The following SV2C variants were observed in gnomAD, a reference collection of about 807,000 sequenced individuals.
The protein encoded by SV2C is synaptic vesicle glycoprotein 2C.
In SV2C, 49 loss-of-function variants were observed where a neutral mutation model predicts 79.7. That is an observed-to-expected ratio of 0.61 (90% CI 0.49 to 0.78). The LOEUF (loss-of-function observed/expected upper bound fraction) is 0.78, where lower values mean the gene tolerates loss of function less well. SV2C is among the 30% of genes least tolerant of loss of function. SV2C has a pLI of 0.00. For missense variants in SV2C, 833 were observed against 912.9 expected (o/e 0.91, Z 1.13); for synonymous variants, 334 against 333.2 (o/e 1.00, Z -0.03).
chr5:75,938,560 T>C, the SV2C span, among the ~76,000 whole-genome samples: 7 of 152,176 alleles, frequency 4.6e-5, no homozygotes, highest in African/African-American at 1.4e-4. Context: ...ATACATACCA[T>C]ATGATTTCAT....
rs745917908 is a variant in SV2C, at chr5:76,295,945, C to G, written c.1502+3C>G. 9 of 1,562,388 alleles carry G rather than the reference C, an allele frequency of 5.8e-6. No individual in the cohort carries two copies. Among genetic ancestry groups the G allele is most frequent in the Admixed American group, 2.0e-5 (1 of 50,246 alleles). On this transcript the variant is annotated splice_donor_region_variant and intron_variant, in intron 9 of 12. Coordinates refer to ENST00000502798, the MANE Select transcript of SV2C (RefSeq NM_014979.4). ...GGAATGGAATACGACAATGGCAGGT[C>G]TAGAAACTTGAAATAATTTAATTTG... is the stretch of plus-strand genomic sequence containing the variant.
In SV2C at chr5:76,177,842, G is replaced by T. The variant is rs1580332845; in HGVS notation, c.581-17077G>T. ...AGGGTCTAAGATGACTGACATCTGG[G>T]CAGGAATGGCTGAAAGATTGTTTTC... On this transcript the variant is annotated intron_variant, in intron 2 of 12. Transcript: ENST00000502798. Among the ~76,000 whole-genome samples, 4 of 152,188 alleles carry T rather than the reference G, an allele frequency of 2.6e-5. No homozygotes were observed. The East Asian group carries it at 7.7e-4, about 29-fold the overall frequency.
At chr5:75,904,098 A>G in the SV2C span, among the ~76,000 whole-genome samples, 1 of 152,162 alleles carries the variant, frequency 6.6e-6, no homozygotes, top group East Asian at 1.9e-4. Flanking sequence ...TCAAGACCAA[A>G]TATGTGCTCT....
At chr5:75,921,271 G>T in the SV2C span, 538 of 1,478,318 alleles carry the variant, frequency 3.6e-4, 4 homozygotes, top group East Asian at 5.4e-3. Flanking sequence ...GGTCCTCCAG[G>T]TCCTTGCCAT....
At chr5:76,249,315 C>A (rs1490268675) in intron 4 of SV2C, among the ~76,000 whole-genome samples, 1 of 152,056 alleles carries the variant, frequency 6.6e-6, no homozygotes, top group Non-Finnish European at 1.5e-5. Flanking sequence ...TACTCTAGAG[C>A]CCATTGTTTA....
intron 2 of SV2C, among the ~76,000 whole-genome samples, chr5:76,166,378 T>C (rs1743047170): frequency 1.3e-5 from 2 of 152,194 alleles, no homozygotes; most frequent in African/African-American, 4.8e-5. Flanking sequence ...ATCAAACCCC[T>C]ATTTGGTAGC....
intron 4 of SV2C, chr5:76,280,968 G>A (rs991283264): frequency 3.0e-5 from 16 of 537,152 alleles, no homozygotes; most frequent in African/African-American, 1.9e-4. Context: ...GGATCCTGGT[G>A]ATGCGGCCCA....
chr5:75,898,003 A>G, the SV2C span, among the ~76,000 whole-genome samples: 17 of 150,730 alleles, frequency 1.1e-4, no homozygotes, highest in South Asian at 1.1e-3. Context: ...ATACAATCAT[A>G]TCGTCTGCAA....
At chr5:75,888,344 ATT>A in the SV2C span, among the ~76,000 whole-genome samples, 19,768 of 150,196 alleles carry the variant, frequency 0.13, 1,715 homozygotes, top group African/African-American at 0.25. Flanking sequence ...AAAAAAAAAA[ATT>A]TTTTTTTTGA....
At chr5:76,245,523 G>A (rs1170362669) in intron 4 of SV2C, among the ~76,000 whole-genome samples, 1 of 152,122 alleles carries the variant, frequency 6.6e-6, no homozygotes, top group African/African-American at 2.4e-5. Context: ...ATCAACCTAA[G>A]CTCAATACTT....
the SV2C span, among the ~76,000 whole-genome samples, chr5:75,945,507 C>T: frequency 1.3e-5 from 2 of 151,594 alleles, no homozygotes; most frequent in Non-Finnish European, 2.9e-5. Flanking sequence ...TTGGTAGAGA[C>T]AGGGTTTCAC....
rs2112496861 is a variant in SV2C, at chr5:76,285,868, A to G, written c.1135A>G (p.Thr379Ala). ...RARGQPEKVF[T>A]VNKIKTPKQI... ...CCGGGGTCAGCCTGAGAAGGTCTTC[A>G]CGGTGAGTCTTCTCCCCAGAGAATC... Residue 379 changes from threonine to alanine, a missense_variant and splice_region_variant, in exon 6 of 13, where the codon ACG becomes GCG. Coordinates refer to ENST00000502798, the MANE Select transcript of SV2C (RefSeq NM_014979.4). 1 of 1,613,644 alleles carries G rather than the reference A, an allele frequency of 6.2e-7. No homozygotes were observed. Among genetic ancestry groups the G allele is most frequent in the South Asian group, 1.1e-5 (1 of 90,984 alleles).
At chr5:76,121,127 A>G (rs888841793) in intron 1 of SV2C, among the ~76,000 whole-genome samples, 2 of 151,340 alleles carry the variant, frequency 1.3e-5, no homozygotes, top group Non-Finnish European at 2.9e-5. Flanking sequence ...AGTGATGATG[A>G]GCATTTTTTC....
At chr5:75,928,024 T>C in the SV2C span, among the ~76,000 whole-genome samples, 1 of 152,216 alleles carries the variant, frequency 6.6e-6, no homozygotes, top group East Asian at 1.9e-4. Context: ...GATTCTTTTT[T>C]ATTGGTATGC....
chr5:76,008,516 T>C, the SV2C span, among the ~76,000 whole-genome samples: 1 of 152,174 alleles, frequency 6.6e-6, no homozygotes, highest in African/African-American at 2.4e-5. Flanking sequence ...GGAGTCATCC[T>C]GGACTCTTCT....
At chr5:76,127,224 C>T (rs1232329003) in intron 1 of SV2C, among the ~76,000 whole-genome samples, 2 of 152,036 alleles carry the variant, frequency 1.3e-5, no homozygotes, top group Non-Finnish European at 2.9e-5. Context: ...AGAGAAACAT[C>T]TGTGTGTTGG....
chr5:76,288,099 AAAAT>A (rs1296483101), intron 6 of SV2C, among the ~76,000 whole-genome samples: 1 of 152,148 alleles, frequency 6.6e-6, no homozygotes, highest in Non-Finnish European at 1.5e-5. Context: ...AAAAAAAAAA[AAAAT>A]AGACTAAAAA....
the SV2C span, among the ~76,000 whole-genome samples, chr5:75,909,845 C>A: frequency 6.6e-6 from 1 of 152,118 alleles, no homozygotes; most frequent in South Asian, 2.1e-4. Flanking sequence ...TCACAAAAGA[C>A]ATAAAAATCA....
chr5:75,921,437 C>A, the SV2C span: 3 of 801,604 alleles, frequency 3.7e-6, no homozygotes, highest in African/African-American at 1.7e-5. Context: ...GAGCCTCCAG[C>A]TTGAACTTCT....
Sources: allele counts gnomAD v4.1 joint callset (sites outside exome capture counted in the v4.1 genomes callset), GRCh38; gene constraint gnomAD v4.1.1; transcripts MANE v1.5; gene names NCBI Gene and HGNC (gene_info 2026-07-23, HGNC 2026-07-21).